MBTPS1: variants seen among roughly 807,000 people sequenced by gnomAD.
MBTPS1 encodes the protein membrane bound transcription factor peptidase, site 1.
A neutral mutation model predicts 127.8 loss-of-function variants in MBTPS1; 94 were observed. The ratio of observed to expected loss-of-function variants is 0.74; its 90% CI spans 0.62 to 0.87. The LOEUF (loss-of-function observed/expected upper bound fraction) is 0.87. MBTPS1 is among the 40% of genes least tolerant of loss of function. The pLI is 0.00. For synonymous variants in MBTPS1, 632 were observed against 509.4 expected (o/e 1.24, Z -3.24); for missense variants, 1,636 against 1,353.2 (o/e 1.21, Z -3.28).
At chr16:84,094,602 A>G (rs1395525393) in intron 4 of MBTPS1, among the ~76,000 whole-genome samples, 1 of 152,264 alleles carries the variant, frequency 6.6e-6, no homozygotes, top group African/African-American at 2.4e-5. Context: ...GGCTGTGTAC[A>G]TATCAATACT....
At chr16:84,088,729 G>A (rs1023673791) in intron 8 of MBTPS1, among the ~76,000 whole-genome samples, 11 of 152,196 alleles carry the variant, frequency 7.2e-5, no homozygotes, top group African/African-American at 2.7e-4. Flanking sequence ...ACCGGAGGAT[G>A]TGTGCCTCAT....
chr16:84,082,551 T>C (rs1307196184), intron 10 of MBTPS1, among the ~76,000 whole-genome samples: 1 of 152,190 alleles, frequency 6.6e-6, no homozygotes, highest in African/African-American at 2.4e-5. Flanking sequence ...AGCCTGGTGA[T>C]ACTAGCGTTA....
At chr16:84,058,990 C>G (rs1173048265) in intron 21 of MBTPS1, among the ~76,000 whole-genome samples, 2 of 152,198 alleles carry the variant, frequency 1.3e-5, no homozygotes, top group East Asian at 3.8e-4. Context: ...GCCGGCAGCT[C>G]TTAACTCCCC....
rs766388700 is a variant in MBTPS1 at position 84,099,082 on chromosome 16, T to G, written c.392A>C (p.Lys131Thr). 8.7e-5 allele frequency: 140 copies of G among 1,614,046 alleles called. No individual in the cohort carries two copies. Among genetic ancestry groups the G allele is most frequent in the Non-Finnish European group, 1.1e-4 (133 of 1,180,034 alleles). Residue 131 changes from lysine (K) to threonine (T), a missense_variant, in exon 3 of 23, where the codon AAA becomes ACA. By Grantham distance (78) the Lys-to-Thr change is moderately conservative (BLOSUM62 -1). Coordinates refer to ENST00000343411, the MANE Select transcript of MBTPS1 (RefSeq NM_003791.4). ...PNIKRVTPQR[K>T]VFRSLKYAES... ...AGCATACTTGAGGGAACGAAAGACT[T>G]TTCGTTGGGGCGTGACCCGTTTGAT...
intron 2 of MBTPS1, among the ~76,000 whole-genome samples, chr16:84,101,037 A>T (rs2086247143): frequency 6.6e-6 from 1 of 150,510 alleles, no homozygotes; most frequent in Admixed American, 6.6e-5. Flanking sequence ...ACGATAGTTC[A>T]TGCCTGTAGT....
At chr16:84,065,194 T>C (rs1264046339) in intron 18 of MBTPS1, among the ~76,000 whole-genome samples, 1 of 151,448 alleles carries the variant, frequency 6.6e-6, no homozygotes, top group African/African-American at 2.4e-5. Flanking sequence ...CTTGGGTAAC[T>C]GCAACCTCTG....
intron 10 of MBTPS1, chr16:84,082,249 A>G (rs7185436): frequency 0.32 from 50,632 of 160,140 alleles, 8,101 homozygotes; most frequent in East Asian, 0.43. Flanking sequence ...CCTGCTGGTC[A>G]CAGGAAGAAG....
At chr16:84,066,364 G>C (rs545556874) in intron 17 of MBTPS1, 125 bp downstream of exon 17, 5 of 1,024,654 alleles carry the variant, frequency 4.9e-6, no homozygotes, top group East Asian at 2.7e-5. Flanking sequence ...ATACTGGTGA[G>C]TTCTTTCCAC....
At chr16:84,100,422 T>C (rs914431523) in intron 2 of MBTPS1, among the ~76,000 whole-genome samples, 1 of 152,104 alleles carries the variant, frequency 6.6e-6, no homozygotes, top group African/African-American at 2.4e-5. Flanking sequence ...CACATGCCTG[T>C]AATCCCAGCT....
chr16:84,104,825 T>C (rs2086301556), intron 1 of MBTPS1, among the ~76,000 whole-genome samples: 1 of 151,966 alleles, frequency 6.6e-6, no homozygotes, highest in South Asian at 2.1e-4. Flanking sequence ...CTGGGTGTGA[T>C]TCCACTTTAG....
At chr16:84,080,751 C>G (rs898419990) in intron 11 of MBTPS1, among the ~76,000 whole-genome samples, 7 of 152,228 alleles carry the variant, frequency 4.6e-5, no homozygotes, top group African/African-American at 1.7e-4. Flanking sequence ...CCTCTTCCTC[C>G]CCAGTCCTCC....
chr16:84,068,248 T>C, intron 15 of MBTPS1, 91 bp downstream of exon 15: 2 of 889,758 alleles, frequency 2.2e-6, no homozygotes. Flanking sequence ...TTGGTAGCTA[T>C]CACTGAAAAC....
At chr16:84,065,302 A>G (rs977160060) in intron 18 of MBTPS1, among the ~76,000 whole-genome samples, 1 of 152,168 alleles carries the variant, frequency 6.6e-6, no homozygotes, top group Non-Finnish European at 1.5e-5. Flanking sequence ...TATTTTTAGT[A>G]GAGACAGGGT....
chr16:84,096,843 G>A (rs559734627), intron 3 of MBTPS1, among the ~76,000 whole-genome samples: 12 of 152,346 alleles, frequency 7.9e-5, no homozygotes, highest in African/African-American at 2.4e-4. Context: ...GGTGCTGACT[G>A]AAGAGCAACA....
chr16:84,091,811 T>A lies in MBTPS1; in HGVS notation c.884A>T (p.Tyr295Phe), dbSNP rs1373826459. Residue 295 changes from tyrosine (Y) to phenylalanine (F), a missense_variant, in exon 7 of 23, where the codon TAT becomes TTT. Coordinates refer to ENST00000343411, the MANE Select transcript of MBTPS1 (RefSeq NM_003791.4). ...CACGTCGATCTTCTTTAAAATGGCA[T>A]AGTTGAAGGCGTCCAAAAACCAAGA... The part of the protein sequence containing the change: ...YTSWFLDAFN[Y>F]AILKKIDVLN... 1 of 1,614,028 alleles carries A rather than the reference T, an allele frequency of 6.2e-7. No homozygotes were observed. Among genetic ancestry groups the A allele is most frequent in the Admixed American group, 1.7e-5 (1 of 60,030 alleles).
At chr16:84,080,494 G>T (rs746523192) in intron 11 of MBTPS1, among the ~76,000 whole-genome samples, 3 of 152,206 alleles carry the variant, frequency 2.0e-5, no homozygotes, top group Non-Finnish European at 1.5e-5. Context: ...AGCCACCTCT[G>T]GCCCCACAGG....
intron 12 of MBTPS1, chr16:84,072,266 G>C (rs1298399639): frequency 6.6e-6 from 1 of 152,242 alleles, no homozygotes; most frequent in African/African-American, 2.4e-5. Context: ...TCCAGAACAG[G>C]CAAGCCCACA....
chr16:84,065,610 G>T, intron 18 of MBTPS1, 80 bp downstream of exon 18: 1 of 905,504 alleles, frequency 1.1e-6, no homozygotes, highest in Non-Finnish European at 1.9e-6. Context: ...AAGAGACAGA[G>T]ATGAGAGACA....
Position 84,060,871 on chromosome 16 carries a change from G to A in MBTPS1, c.2573-58C>T, listed in dbSNP as rs571922612. 1.4e-5 allele frequency: 21 copies of A among 1,505,526 alleles called. No homozygotes were observed. The South Asian group carries it at 1.9e-4, about 13-fold the overall frequency. 93.3% of individuals were successfully genotyped at this position (1,505,526 alleles called of 1,614,324 possible). A position where few individuals can be genotyped will look rare whatever the true frequency, so the allele number is the denominator to read the frequency against. ...TTTTTTTTTTTCCAGACAGAGTCACGCTCTTGTCACCCAGTGCAGTGGCGC... is the reference window on the plus strand; with the variant it reads ...TTTTTTTTTTTCCAGACAGAGTCACACTCTTGTCACCCAGTGCAGTGGCGC... On this transcript the variant is annotated intron_variant, in intron 19 of 22. Coordinates refer to ENST00000343411, the MANE Select transcript of MBTPS1 (RefSeq NM_003791.4).
Sources: allele counts gnomAD v4.1 joint callset (sites outside exome capture counted in the v4.1 genomes callset), GRCh38; gene constraint gnomAD v4.1.1; transcripts MANE v1.5; gene names NCBI Gene and HGNC (gene_info 2026-07-23, HGNC 2026-07-21).